Variants in IP6K1 observed in about 807,000 individuals in gnomAD.
The protein encoded by IP6K1 is ATP:1D-myo-inositol-hexakisphosphate phosphotransferase.
In IP6K1, 13 loss-of-function variants were observed where a neutral mutation model predicts 38.3. That is an observed-to-expected ratio of 0.34 (90% CI 0.22 to 0.54). The LOEUF is 0.54. Ranked by LOEUF, IP6K1 falls within the 20% of genes least tolerant of loss-of-function variation. The pLI is 0.92. For missense variants in IP6K1, 397 were observed against 599.8 expected (o/e 0.66, Z 3.53); for synonymous variants, 212 against 229.9 (o/e 0.92, Z 0.70).
Position 49,727,330 on chromosome 3 carries a change from C to T in IP6K1, c.1118G>A (p.Gly373Asp). The T allele has an allele frequency of 6.2e-7, 1 of 1,614,050 alleles. No homozygotes were observed. Among genetic ancestry groups the T allele is most frequent in the Non-Finnish European group, 8.5e-7 (1 of 1,179,990 alleles). The change falls in exon 6 of 6, where the codon GGC becomes GAC. Residue 373 changes from glycine to aspartate, a missense_variant. Coordinates refer to ENST00000321599, the MANE Select transcript of IP6K1 (RefSeq NM_153273.4). The surrounding 1 kb of genome is among the most constrained non-coding windows in gnomAD (Gnocchi z 5.9). ...MVLPEVASSC[G>D]PSTSPSNTSP... is the part of the protein sequence containing the mutation. ...GGTGTTGCTGGGGCTGGTGCTGGGG[C>T]CACAGGATGACGCCACCTCAGGGAG...
At chr3:49,736,069 A>C (rs1299759861) in intron 3 of IP6K1, among the ~76,000 whole-genome samples, 2 of 152,024 alleles carry the variant, frequency 1.3e-5, no homozygotes, top group Non-Finnish European at 2.9e-5. Flanking sequence ...GGCCCGCACC[A>C]CCACACCTGG....
rs576938258 is a variant in IP6K1 at position 49,727,109 on chromosome 3, C to T, written c.*13G>A. ...AGTGGAGAGGAAGGGGTTCTGGGGG[C>T]CCAGAACAGGGCCTACTGGTTCTCG... On this transcript the variant is annotated 3_prime_UTR_variant, in exon 6 of 6. Coordinates refer to ENST00000321599, the MANE Select transcript of IP6K1 (RefSeq NM_153273.4). The surrounding 1 kb of genome is among the most constrained non-coding windows in gnomAD (Gnocchi z 5.9). 28 of 1,573,958 alleles carry T rather than the reference C, an allele frequency of 1.8e-5. No homozygotes were observed. The South Asian group carries it at 2.8e-4, about 16-fold the overall frequency.
intron 2 of IP6K1, among the ~76,000 whole-genome samples, chr3:49,742,834 T>A (rs1320945801): frequency 6.6e-6 from 1 of 151,524 alleles, no homozygotes; most frequent in Non-Finnish European, 1.5e-5. Context: ...AAGGCTGTGG[T>A]GAGTTGAGAT....
intron 1 of IP6K1, among the ~76,000 whole-genome samples, chr3:49,759,725 C>A (rs2080852155): frequency 1.3e-5 from 2 of 152,008 alleles, no homozygotes; most frequent in African/African-American, 4.8e-5. Context: ...TAAAGGTTAC[C>A]CAGAAGCAGA....
Position 49,738,305 on chromosome 3 carries a change from C to T in IP6K1, c.341G>A (p.Arg114Gln), listed in dbSNP as rs745434505. 2 of 1,614,198 alleles carry T rather than the reference C, an allele frequency of 1.2e-6. No individual in the cohort carries two copies. Among genetic ancestry groups the T allele is most frequent in the East Asian group, 2.2e-5 (1 of 44,886 alleles). Residue 114 changes from arginine to glutamine, a missense_variant, in exon 3 of 6, where the codon CGG becomes CAG. Arg to Gln is a conservative substitution (Grantham distance 43, BLOSUM62 1). Coordinates refer to ENST00000321599, the MANE Select transcript of IP6K1 (RefSeq NM_153273.4). ...CAGGCTCCGGCGGGAGTGTTTGCGC[C>T]GAGGTTGCTCCCGTTCTGTTGTGTC... Reference protein sequence around the residue: ...QDDTTEREQPRRKHSRRSLHR... With the variant: ...QDDTTEREQPQRKHSRRSLHR...
chr3:49,756,589 G>T (rs1225337338), intron 1 of IP6K1, among the ~76,000 whole-genome samples: 1 of 152,044 alleles, frequency 6.6e-6, no homozygotes. Context: ...AGGCCAAGGC[G>T]GGTGGATCAC....
intron 1 of IP6K1, among the ~76,000 whole-genome samples, chr3:49,753,540 T>C (rs1171096128): frequency 2.0e-5 from 3 of 152,220 alleles, no homozygotes; most frequent in Admixed American, 2.0e-4. Flanking sequence ...GTCAGTTATA[T>C]GAGTATCCTA....
rs1345361161 is a variant in IP6K1 at position 49,725,167 on chromosome 3, G to C, written c.*1955C>G. ...AGTGCCAGGAAAATACTGAATGTAAGTGGGTGCAGCTTTGCTCGCTGTGAG... is the reference window on the plus strand; with the variant it reads ...AGTGCCAGGAAAATACTGAATGTAACTGGGTGCAGCTTTGCTCGCTGTGAG... On this transcript the variant is annotated 3_prime_UTR_variant, in exon 6 of 6. Transcript: ENST00000321599. The C allele has an allele frequency of 1.3e-5, 2 of 152,672 alleles. No homozygotes were observed. The highest frequency in any genetic ancestry group is 2.9e-5 in the Non-Finnish European group (2 of 68,056). 9.5% of individuals were successfully genotyped at this position (152,672 alleles called of 1,614,324 possible). A position where few individuals can be genotyped will look rare whatever the true frequency, so the allele number is the denominator to read the frequency against.
At chr3:49,757,119 G>C (rs997664575) in intron 1 of IP6K1, among the ~76,000 whole-genome samples, 5 of 152,198 alleles carry the variant, frequency 3.3e-5, no homozygotes, top group African/African-American at 1.2e-4. Context: ...CATGTGAAAT[G>C]ATGAGCCTCC....
At chr3:49,755,007 ACAG>A in intron 1 of IP6K1, among the ~76,000 whole-genome samples, 1 of 150,292 alleles carries the variant, frequency 6.7e-6, no homozygotes, top group South Asian at 2.1e-4. Context: ...CTACATCACT[ACAG>A]CCTCGACCTC....
chr3:49,744,328 G>C (rs1264245704), intron 2 of IP6K1, among the ~76,000 whole-genome samples: 1 of 145,210 alleles, frequency 6.9e-6, no homozygotes, highest in Admixed American at 7.3e-5. Flanking sequence ...CGTGAACCCG[G>C]GGGGCAGAGC....
Position 49,748,081 on chromosome 3 carries a change from G to A in IP6K1, c.-41C>T. 6.2e-7 allele frequency: 1 copy of A among 1,607,794 alleles called. No homozygotes were observed. The highest frequency in any genetic ancestry group is 8.5e-7 in the Non-Finnish European group (1 of 1,176,316). On this transcript the variant is annotated 5_prime_UTR_variant, in exon 2 of 6. Transcript: ENST00000321599. ...TTGCACACTGAGGGCAGAGGATGCAGCACATGGGCCACAAAAGGAGAGCTA... is the reference window on the plus strand; with the variant it reads ...TTGCACACTGAGGGCAGAGGATGCAACACATGGGCCACAAAAGGAGAGCTA...
chr3:49,726,805 G>C lies in IP6K1; in HGVS notation c.*317C>G, dbSNP rs930815568. On this transcript the variant is annotated 3_prime_UTR_variant, in exon 6 of 6. Coordinates refer to ENST00000321599, the MANE Select transcript of IP6K1 (RefSeq NM_153273.4). Reference sequence around the variant, plus strand: ...TGCAGCCACAGATCTCAAAGATCTAGACAAGAGAAACCAATGTCCAAGGGC... The same window carrying C: ...TGCAGCCACAGATCTCAAAGATCTACACAAGAGAAACCAATGTCCAAGGGC... 1.6e-5 allele frequency: 7 copies of C among 428,644 alleles called. No homozygotes were observed. Among genetic ancestry groups the C allele is most frequent in the Non-Finnish European group, 2.9e-5 (7 of 243,598 alleles). The allele number at this position is 428,644 out of a possible 1,614,324, so 26.6% of individuals were successfully genotyped here. A position where few individuals can be genotyped will look rare whatever the true frequency, so the allele number is the denominator to read the frequency against.
intron 1 of IP6K1, among the ~76,000 whole-genome samples, chr3:49,772,670 T>C (rs1392135467): frequency 6.6e-6 from 1 of 152,034 alleles, no homozygotes; most frequent in African/African-American, 2.4e-5. Context: ...CCCAAAGTGC[T>C]GGGATTACAG....
chr3:49,743,348 T>C (rs922684742), intron 2 of IP6K1, among the ~76,000 whole-genome samples: 8 of 151,434 alleles, frequency 5.3e-5, no homozygotes, highest in Admixed American at 4.6e-4. Context: ...TGAGGTATCA[T>C]GCCTCATGGA....
chr3:49,732,993 C>T, intron 3 of IP6K1, 21 bp from the exon 4 acceptor site: 3 of 1,595,212 alleles, frequency 1.9e-6, no homozygotes, highest in Non-Finnish European at 8.6e-7. Flanking sequence ...AGAACATACA[C>T]ATCACTAAGA....
At chr3:49,756,126 C>G (rs2080820391) in intron 1 of IP6K1, among the ~76,000 whole-genome samples, 1 of 152,132 alleles carries the variant, frequency 6.6e-6, no homozygotes, top group Admixed American at 6.5e-5. Flanking sequence ...CCATTTGTCT[C>G]TAAAGAAGAG....
chr3:49,742,366 G>A (rs1301374189), intron 2 of IP6K1, among the ~76,000 whole-genome samples: 2 of 151,902 alleles, frequency 1.3e-5, no homozygotes, highest in Non-Finnish European at 1.5e-5. Flanking sequence ...TGGCTAACAC[G>A]GTGAAACCCT....
intron 1 of IP6K1, among the ~76,000 whole-genome samples, chr3:49,773,176 T>TA (rs1341676001): frequency 6.6e-6 from 1 of 152,162 alleles, no homozygotes; most frequent in African/African-American, 2.4e-5. Context: ...AGTAATACTG[T>TA]AAACAGTCAA....
Sources: allele counts gnomAD v4.1 joint callset (sites outside exome capture counted in the v4.1 genomes callset), GRCh38; gene constraint gnomAD v4.1.1; non-coding constraint Gnocchi (gnomAD v3.1); transcripts MANE v1.5; gene names NCBI Gene and HGNC (gene_info 2026-07-23, HGNC 2026-07-21).